The following MCTP1 variants were observed in gnomAD, a reference collection of about 807,000 sequenced individuals.
The protein encoded by MCTP1 is multiple C2 and transmembrane domain-containing protein 1.
MCTP1 carries 69 observed loss-of-function variants against 120.6 expected under a neutral mutation model. The observed-to-expected ratio is 0.57, with a 90% CI of 0.47 to 0.70. The LOEUF (loss-of-function observed/expected upper bound fraction) is 0.70. MCTP1 is among the 30% of genes least tolerant of loss of function. The pLI, the probability that MCTP1 is intolerant of heterozygous loss-of-function variation, is 0.00. For synonymous variants in MCTP1, 529 were observed against 493.1 expected, an observed-to-expected ratio of 1.07 and a Z score of -0.96; for missense variants, 1,203 against 1,248.8, an observed-to-expected ratio of 0.96 and a Z score of 0.55.
intron 1 of MCTP1, among the ~76,000 whole-genome samples, chr5:95,257,266 C>A (rs1313293057): frequency 6.6e-6 from 1 of 152,100 alleles, no homozygotes; most frequent in Non-Finnish European, 1.5e-5. Flanking sequence ...TTGTGGGATA[C>A]AGGCACTTCA....
In MCTP1 at chr5:94,953,365, T is replaced by A. The variant is rs1821122126; in HGVS notation, c.839-4A>T. 6.3e-7 allele frequency: 1 copy of A among 1,591,642 alleles called. No individual in the cohort carries two copies. The highest frequency in any genetic ancestry group is 1.7e-5 in the Admixed American group (1 of 57,288). The stretch of plus-strand genomic sequence containing the variant: ...TTCACATATGGATCACTCGTCCCTG[T>A]TAAATAGATAGATTGATCCATGTTA... On this transcript the variant is annotated splice_region_variant and splice_polypyrimidine_tract_variant and intron_variant, in intron 2 of 22. Coordinates refer to ENST00000515393, the MANE Select transcript of MCTP1 (RefSeq NM_024717.7).
intron 1 of MCTP1, among the ~76,000 whole-genome samples, chr5:95,241,785 A>G (rs1756190608): frequency 2.0e-5 from 3 of 152,182 alleles, no homozygotes; most frequent in Admixed American, 6.5e-5. Context: ...TGGCAGCAAC[A>G]TTCATCAAAC....
intron 19 of MCTP1, among the ~76,000 whole-genome samples, chr5:94,729,857 T>A (rs751895012): frequency 2.0e-5 from 3 of 152,218 alleles, no homozygotes; most frequent in Non-Finnish European, 4.4e-5. Flanking sequence ...TGGGAAGCCA[T>A]TGGAATGTTT....
rs901416417 is a variant in MCTP1 at position 94,968,459 on chromosome 5, G to C, written c.839-15098C>G. The stretch of plus-strand genomic sequence containing the variant: ...GTTACTTCCTTATATTTCATTATAG[G>C]GAAATTACACGTTTTCAAGATTATA... On this transcript the variant is annotated intron_variant, in intron 2 of 22. Coordinates refer to ENST00000515393, the MANE Select transcript of MCTP1 (RefSeq NM_024717.7). Among the ~76,000 whole-genome samples, 4 of 151,926 alleles carry C rather than the reference G, an allele frequency of 2.6e-5. No homozygotes were observed. In the East Asian group the frequency reaches 7.7e-4, roughly 29 times the overall value.
chr5:94,809,498 A>G (rs1167449786), intron 17 of MCTP1, among the ~76,000 whole-genome samples: 1 of 152,130 alleles, frequency 6.6e-6, no homozygotes, highest in Admixed American at 6.6e-5. Flanking sequence ...AGATGCCTGG[A>G]GAATGTTGAT....
chr5:94,827,589 C>T (rs1162312223), intron 17 of MCTP1, among the ~76,000 whole-genome samples: 1 of 152,134 alleles, frequency 6.6e-6, no homozygotes, highest in African/African-American at 2.4e-5. Flanking sequence ...TTCCATGTCA[C>T]CTTCAGGTAC....
intron 17 of MCTP1, among the ~76,000 whole-genome samples, chr5:94,829,496 C>T (rs1181022874): frequency 3.9e-5 from 6 of 152,298 alleles, no homozygotes; most frequent in Middle Eastern, 3.4e-3. Context: ...AAGATGCTCA[C>T]GATCACATAG....
chr5:94,758,872 G>A lies in MCTP1; in HGVS notation c.2610+20238C>T, dbSNP rs370491000. On this transcript the variant is annotated intron_variant, in intron 19 of 22. Coordinates refer to ENST00000515393, the MANE Select transcript of MCTP1 (RefSeq NM_024717.7). The stretch of plus-strand genomic sequence containing the variant: ...ACTTGTAGAATAGGAAAAAACATCT[G>A]AAATCAGTAAACATCTATTTAGTTT... 2.6e-5 allele frequency among the ~76,000 whole-genome samples: 4 copies of A among 152,178 alleles called. No homozygotes were observed. In the South Asian group the frequency reaches 8.3e-4, roughly 32 times the overall value.
intron 1 of MCTP1, among the ~76,000 whole-genome samples, chr5:95,101,422 G>A (rs955121792): frequency 6.6e-5 from 10 of 152,188 alleles, no homozygotes; most frequent in African/African-American, 2.4e-4. Flanking sequence ...GCAATACAGA[G>A]TATGTACATA....
chr5:94,895,217 G>C (rs1803665281), intron 10 of MCTP1, among the ~76,000 whole-genome samples: 1 of 151,986 alleles, frequency 6.6e-6, no homozygotes, highest in South Asian at 2.1e-4. Flanking sequence ...GAATTTTTGT[G>C]TTACCTTTAA....
chr5:95,074,319 G>A (rs1036576408), intron 1 of MCTP1, among the ~76,000 whole-genome samples: 2 of 152,212 alleles, frequency 1.3e-5, no homozygotes, highest in African/African-American at 4.8e-5. Context: ...AGAGGACTGA[G>A]CACTTTGAAG....
At chr5:94,776,653 A>G (rs1003409064) in intron 19 of MCTP1, among the ~76,000 whole-genome samples, 2 of 152,182 alleles carry the variant, frequency 1.3e-5, no homozygotes, top group Non-Finnish European at 2.9e-5. Flanking sequence ...TTACTATTAT[A>G]CCATATGAGA....
chr5:94,979,810 G>C (rs1158536709), intron 2 of MCTP1, among the ~76,000 whole-genome samples: 2 of 151,978 alleles, frequency 1.3e-5, no homozygotes, highest in Admixed American at 1.3e-4. Context: ...ACCATAATAA[G>C]AGCAAGAAAA....
intron 1 of MCTP1, among the ~76,000 whole-genome samples, chr5:95,246,067 C>T (rs1756743913): frequency 6.6e-6 from 1 of 152,140 alleles, no homozygotes; most frequent in Admixed American, 6.5e-5. Flanking sequence ...AATCTCATAA[C>T]CAGCCAAACT....
chr5:94,936,798 C>T (rs574838803), intron 5 of MCTP1, among the ~76,000 whole-genome samples: 104 of 151,978 alleles, frequency 6.8e-4, no homozygotes, highest in African/African-American at 2.4e-3. Context: ...TAATGTAGAG[C>T]ATATGTTTAG....
chr5:94,830,935 C>T (rs918673120), intron 17 of MCTP1, among the ~76,000 whole-genome samples: 2 of 152,140 alleles, frequency 1.3e-5, no homozygotes, highest in Admixed American at 6.6e-5. Context: ...ATGGCCCAAA[C>T]AATCATGCAG....
At chr5:94,930,096 A>G (rs1438944810) in intron 6 of MCTP1, among the ~76,000 whole-genome samples, 1 of 152,048 alleles carries the variant, frequency 6.6e-6, no homozygotes, top group Non-Finnish European at 1.5e-5. Flanking sequence ...ATTGCTAATA[A>G]TAAATATAAA....
At chr5:95,064,754 G>A (rs761977337) in intron 1 of MCTP1, among the ~76,000 whole-genome samples, 5 of 152,280 alleles carry the variant, frequency 3.3e-5, no homozygotes, top group African/African-American at 1.2e-4. Context: ...AGTTCCCTTT[G>A]ATGTAGAATT....
At chr5:94,757,463 A>T (rs1770192158) in intron 19 of MCTP1, among the ~76,000 whole-genome samples, 1 of 152,224 alleles carries the variant, frequency 6.6e-6, no homozygotes, top group African/African-American at 2.4e-5. Flanking sequence ...TGTCTTCATG[A>T]TTAAAATAAT....
Sources: gnomAD v4.1 joint callset for allele counts (sites outside exome capture counted in the v4.1 genomes callset) on GRCh38, gnomAD v4.1.1 for gene constraint, MANE v1.5 for transcripts, NCBI Gene and HGNC (gene_info 2026-07-23, HGNC 2026-07-21) for gene names.